The following LYPLAL1 variants were observed in gnomAD, a reference collection of about 807,000 sequenced individuals.
The protein encoded by LYPLAL1 is lysophospholipase like 1.
A neutral mutation model predicts 19.7 loss-of-function variants in LYPLAL1; 23 were observed. That is an observed-to-expected ratio of 1.17 (90% CI 0.84 to 1.65). LYPLAL1 has a LOEUF of 1.65. Ranked by LOEUF, LYPLAL1 falls within the 40% of genes most tolerant of loss-of-function variation. LYPLAL1 has a pLI of 0.00. For missense variants in LYPLAL1, 355 were observed against 279.4 expected (o/e 1.27, Z -1.93); for synonymous variants, 119 against 96.3 (o/e 1.24, Z -1.38).
the LYPLAL1 span, among the ~76,000 whole-genome samples, chr1:219,323,144 C>T: frequency 6.6e-6 from 1 of 152,258 alleles, no homozygotes; most frequent in East Asian, 1.9e-4. Flanking sequence ...ATTGCCCTTC[C>T]CTGAGATGCA....
At chr1:219,444,533 CTCT>C in the LYPLAL1 span, among the ~76,000 whole-genome samples, 1 of 152,204 alleles carries the variant, frequency 6.6e-6, no homozygotes, top group Non-Finnish European at 1.5e-5. Flanking sequence ...TATAAAATCT[CTCT>C]TCTTCAACAA....
At chr1:219,294,255 A>T in the LYPLAL1 span, among the ~76,000 whole-genome samples, 1 of 152,218 alleles carries the variant, frequency 6.6e-6, no homozygotes, top group Non-Finnish European at 1.5e-5. Context: ...TCAAATCTGT[A>T]TGACTTCTAT....
the LYPLAL1 span, among the ~76,000 whole-genome samples, chr1:219,419,023 A>G: frequency 6.6e-6 from 1 of 152,290 alleles, no homozygotes; most frequent in African/African-American, 2.4e-5. Context: ...CATTGTCTGG[A>G]TGTACTTCAG....
At chr1:219,411,043 G>A in the LYPLAL1 span, among the ~76,000 whole-genome samples, 3 of 152,356 alleles carry the variant, frequency 2.0e-5, no homozygotes, top group East Asian at 1.9e-4. Flanking sequence ...GCGAGCGCAC[G>A]GCACAGGACT....
At chr1:219,363,384 A>G in the LYPLAL1 span, among the ~76,000 whole-genome samples, 2 of 152,180 alleles carry the variant, frequency 1.3e-5, no homozygotes, top group African/African-American at 2.4e-5. Flanking sequence ...GATTTTTTAT[A>G]TTGATTAAAT....
At chr1:219,427,920 A>G in the LYPLAL1 span, among the ~76,000 whole-genome samples, 1 of 152,222 alleles carries the variant, frequency 6.6e-6, no homozygotes, top group Non-Finnish European at 1.5e-5. Flanking sequence ...GGCAGGTACC[A>G]ACTATAAAAA....
intron 3 of LYPLAL1, among the ~76,000 whole-genome samples, chr1:219,208,645 A>G (rs1035902684): frequency 3.3e-5 from 5 of 152,174 alleles, no homozygotes; most frequent in African/African-American, 7.2e-5. Flanking sequence ...TAAGCACTCA[A>G]TGAAAATATG....
chr1:219,226,612 C>G, the LYPLAL1 span, among the ~76,000 whole-genome samples: 1 of 151,868 alleles, frequency 6.6e-6, no homozygotes, highest in East Asian at 1.9e-4. Context: ...AAGGTGAATA[C>G]TCAATGACTT....
chr1:219,327,154 C>T, the LYPLAL1 span, among the ~76,000 whole-genome samples: 1 of 152,076 alleles, frequency 6.6e-6, no homozygotes, highest in African/African-American at 2.4e-5. Context: ...TTTCCATAAT[C>T]GTACACCTTC....
At chr1:219,264,766 G>A in the LYPLAL1 span, among the ~76,000 whole-genome samples, 2 of 152,162 alleles carry the variant, frequency 1.3e-5, no homozygotes, top group Admixed American at 6.5e-5. Flanking sequence ...TGAGCTCCAG[G>A]AGGGAGCACA....
chr1:219,287,782 C>T, the LYPLAL1 span, among the ~76,000 whole-genome samples: 1 of 152,202 alleles, frequency 6.6e-6, no homozygotes, highest in Non-Finnish European at 1.5e-5. Context: ...ATGGAGGGGC[C>T]TGGTGGGAGG....
chr1:219,214,384 TAAAATAG>T (rs1463269856), downstream of LYPLAL1, among the ~76,000 whole-genome samples: 1 of 152,144 alleles, frequency 6.6e-6, no homozygotes, highest in Non-Finnish European at 1.5e-5. Flanking sequence ...ATTAGCTTCA[TAAAATAG>T]ATTGGGTAGT....
At chr1:219,308,604 G>A in the LYPLAL1 span, among the ~76,000 whole-genome samples, 3 of 152,184 alleles carry the variant, frequency 2.0e-5, no homozygotes, top group East Asian at 3.9e-4. Flanking sequence ...GCTGGAAGGC[G>A]CCAACGTAGA....
At chr1:219,296,990 C>T in the LYPLAL1 span, among the ~76,000 whole-genome samples, 2 of 152,184 alleles carry the variant, frequency 1.3e-5, no homozygotes, top group African/African-American at 2.4e-5. Context: ...GACGTGCCCG[C>T]TAATAACTGG....
chr1:219,335,000 C>T, the LYPLAL1 span, among the ~76,000 whole-genome samples: 3 of 151,900 alleles, frequency 2.0e-5, no homozygotes, highest in African/African-American at 4.8e-5. Flanking sequence ...TACTTGCACT[C>T]ATGGTTCTGC....
chr1:219,353,538 G>A, the LYPLAL1 span, among the ~76,000 whole-genome samples: 1 of 152,212 alleles, frequency 6.6e-6, no homozygotes, highest in South Asian at 2.1e-4. Flanking sequence ...TAGGAGGACA[G>A]GACCTCAGGA....
chr1:219,334,526 G>GGTGTGTGTGT, the LYPLAL1 span, among the ~76,000 whole-genome samples: 28 of 147,250 alleles, frequency 1.9e-4, no homozygotes, highest in East Asian at 1.4e-3. Flanking sequence ...AATGAAGAGG[G>GGTGTGTGTGT]GTGTGTGTGT....
At chr1:219,362,681 GGAACAAT>G in the LYPLAL1 span, among the ~76,000 whole-genome samples, 3 of 152,110 alleles carry the variant, frequency 2.0e-5, no homozygotes, top group Non-Finnish European at 4.4e-5. Context: ...CGGAGTATAG[GGAACAAT>G]GAAAGCCATG....
downstream of LYPLAL1, among the ~76,000 whole-genome samples, chr1:219,217,379 G>GGCGTGTGTGTGT (rs1553304603): frequency 1.5e-5 from 2 of 134,048 alleles, no homozygotes; most frequent in African/African-American, 5.3e-5. Context: ...TGCCAGGTTT[G>GGCGTGTGTGTGT]GTGTGTGTGT....
Sources: allele counts gnomAD v4.1 joint callset (sites outside exome capture counted in the v4.1 genomes callset), GRCh38; gene constraint gnomAD v4.1.1; transcripts MANE v1.5; gene names NCBI Gene and HGNC (gene_info 2026-07-23, HGNC 2026-07-21).